Variants in HDAC6 observed in about 807,000 individuals in gnomAD.
The protein encoded by HDAC6 is histone deacetylase 6.
Under a neutral mutation model 88.9 loss-of-function variants are expected in HDAC6, and 5 were observed. The ratio of observed to expected loss-of-function variants is 0.06; its 90% CI spans 0.03 to 0.12. HDAC6 has a LOEUF of 0.12. Among genes scored for constraint, HDAC6 ranks in the 10% least tolerant of loss-of-function variants. The pLI is 1.00. For missense variants in HDAC6, 706 were observed against 1,014.4 expected, an observed-to-expected ratio of 0.70 and a Z score of 4.13; for synonymous variants, 378 against 398.0, an observed-to-expected ratio of 0.95 and a Z score of 0.60.
intron 22 of HDAC6, among the ~76,000 whole-genome samples, chrX:48,818,736 C>T (rs186020965): frequency 2.0e-4 from 22 of 112,305 alleles, no homozygotes; most frequent in Non-Finnish European, 3.0e-4. Flanking sequence ...ATCACAAGTG[C>T]TTGAGTATGT....
At position 48,814,468 on chromosome X, in the gene HDAC6, G is replaced by A. The variant is rs1382688247; in HGVS notation, c.835G>A (p.Glu279Lys). ...SVLYFSIHRY[E>K]QGRFWPHLKA... ...CCTCTATTTCTCCATCCACCGCTAC[G>A]AGCAGGGTAGGTTCTGGCCCCACCT... Residue 279 changes from glutamate (E) to lysine (K), a missense_variant, in exon 11 of 29, where the codon GAG (glutamate) becomes AAG (lysine). By Grantham distance (56) the Glu-to-Lys change is moderately conservative. Around this residue, in one of 9 missense-constraint regions of HDAC6, gnomAD observed 193 missense variants for 258.2 expected, o/e 0.75. Coordinates refer to ENST00000334136, the MANE Select transcript of HDAC6 (RefSeq NM_006044.4). 3.3e-6 allele frequency: 4 copies of A among 1,211,148 alleles called. No homozygotes were observed. The highest frequency in any genetic ancestry group is 4.3e-5 in the Admixed American group (2 of 46,036).
chrX:48,822,881 C>T (rs1557030477), intron 24 of HDAC6, 31 bp from the exon 25 acceptor site: 2 of 1,163,535 alleles, frequency 1.7e-6, no homozygotes, highest in South Asian at 3.9e-5. Flanking sequence ...TGACAGTACC[C>T]ACACTCAAGG....
chrX:48,808,374 C>T (rs781858100), intron 10 of HDAC6, 48 bp downstream of exon 10: 1 of 937,320 alleles, frequency 1.1e-6, no homozygotes, highest in African/African-American at 1.9e-5. Context: ...CCACCTCCCA[C>T]CCTTACAGGC....
Position 48,802,933 on chromosome X carries a change from G to A in HDAC6, c.156G>A (p.Lys52=), listed in dbSNP as rs1377308194. 3.3e-6 allele frequency: 4 copies of A among 1,208,334 alleles called. No homozygotes were observed. Among genetic ancestry groups the A allele is most frequent in the Non-Finnish European group, 4.5e-6 (4 of 894,209 alleles). Residue 52 remains lysine, a synonymous_variant, in exon 3 of 29, where the codon AAG becomes AAA. Transcript: ENST00000334136. ...RSIPNLAEVK[K]KGKMKKLGQA... Reference sequence around the variant, plus strand: ...TCCCCAATCTAGCGGAGGTAAAGAAGAAAGGCAAAATGAAGAAGCTCGGCC... The same window carrying A: ...TCCCCAATCTAGCGGAGGTAAAGAAAAAAGGCAAAATGAAGAAGCTCGGCC...
intron 22 of HDAC6, chrX:48,819,425 C>T (rs2063043882): frequency 8.0e-6 from 1 of 124,513 alleles, no homozygotes; most frequent in Admixed American, 8.1e-5. Flanking sequence ...AACCCTGTAT[C>T]TTGTGTATGT....
intron 10 of HDAC6, chrX:48,813,995 A>C: frequency 8.0e-6 from 1 of 125,289 alleles, no homozygotes; most frequent in Non-Finnish European, 1.6e-5. Context: ...ACAGGGTTTG[A>C]CCTGCTGTTA....
At position 48,816,513 on chromosome X, in the gene HDAC6, G is replaced by A; in HGVS notation, c.1671G>A (p.Arg557=). Residue 557 remains arginine (R), a synonymous_variant, in exon 19 of 29, where the codon CGG becomes CGA. Transcript: ENST00000334136. The stretch of plus-strand genomic sequence containing the variant: ...GGGCCACAGAGAAAATGAAAACCCG[G>A]GAGCTGCACCGTGAGAGTTCCAACT... ...HLRATEKMKT[R]ELHRESSNFD... is the part of the protein sequence containing the mutation. The A allele has an allele frequency of 8.3e-7, 1 of 1,209,396 alleles. No homozygotes were observed. The highest frequency in any genetic ancestry group is 1.1e-6 in the Non-Finnish European group (1 of 894,227).
chrX:48,816,313 G>T, intron 18 of HDAC6, 44 bp downstream of exon 18: 1 of 1,181,872 alleles, frequency 8.5e-7, no homozygotes, highest in East Asian at 3.1e-5. Context: ...CAGGACTGTG[G>T]ATGAGGTCTC....
At chrX:48,807,164 T>G (rs782423251) in intron 8 of HDAC6, among the ~76,000 whole-genome samples, 1 of 112,342 alleles carries the variant, frequency 8.9e-6, no homozygotes, top group East Asian at 2.8e-4. Context: ...TAACCACAAA[T>G]GGTAGTAACA....
At chrX:48,807,444 G>A (rs782073877) in intron 8 of HDAC6, among the ~76,000 whole-genome samples, 1 of 113,164 alleles carries the variant, frequency 8.8e-6, no homozygotes, top group Non-Finnish European at 1.9e-5. Context: ...AACACAGGTT[G>A]TGGGCTAAGT....
Position 48,823,497 on chromosome X carries a change from C to T in HDAC6, c.3098C>T (p.Pro1033Leu). Residue 1033 changes from proline to leucine, a missense_variant, in exon 25 of 29, where the codon CCA becomes CTA. Transcript: ENST00000334136. ...TCGAGCACAGACCACCAGACCCCCC[C>T]AACCTCACCTGTGCAGGGAACTACA... is the stretch of plus-strand genomic sequence containing the variant. Reference protein sequence around the residue: ...LASSTDHQTPPTSPVQGTTPQ... With the variant: ...LASSTDHQTPLTSPVQGTTPQ... 2 of 1,210,790 alleles carry T rather than the reference C, an allele frequency of 1.7e-6. No homozygotes were observed. Among genetic ancestry groups the T allele is most frequent in the Non-Finnish European group, 2.2e-6 (2 of 894,861 alleles).
At chrX:48,817,215 G>T in intron 19 of HDAC6, 111 bp from the exon 20 acceptor site, 1 of 893,641 alleles carries the variant, frequency 1.1e-6, no homozygotes, top group Non-Finnish European at 1.5e-6. Context: ...TGGCGCCACT[G>T]CATTCCAGCC....
At position 48,824,280 on chromosome X, in the gene HDAC6, T is replaced by A. The variant is rs1557031614; in HGVS notation, c.3565T>A (p.Tyr1189Asn). The A allele has an allele frequency of 8.3e-7, 1 of 1,210,085 alleles. No homozygotes were observed. Among genetic ancestry groups the A allele is most frequent in the East Asian group, 3.0e-5 (1 of 33,840 alleles). ...AGCCTGGTGTTACTACTGTCAGGCC[T>A]ATGTCCACCACCAGGTGGGCCCTGG... Reference protein sequence around the residue: ...LSAWCYYCQAYVHHQALLDVK... With the variant: ...LSAWCYYCQANVHHQALLDVK... The change falls in exon 28 of 29, where the codon TAT (tyrosine) becomes AAT (asparagine). Residue 1189 changes from tyrosine (Y) to asparagine (N), a missense_variant. Coordinates refer to ENST00000334136, the MANE Select transcript of HDAC6 (RefSeq NM_006044.4).
chrX:48,803,871 CT>C (rs1303308616), intron 4 of HDAC6, among the ~76,000 whole-genome samples: 1 of 112,216 alleles, frequency 8.9e-6, no homozygotes, highest in East Asian at 2.8e-4. Context: ...TGTTAAAATA[CT>C]TTAAGGAGGC....
At chrX:48,824,491 G>C in intron 28 of HDAC6, 53 bp from the exon 29 acceptor site, 1 of 1,129,017 alleles carries the variant, frequency 8.9e-7, no homozygotes. Flanking sequence ...CTGCAGCCGA[G>C]GTAGAGGGGT....
chrX:48,818,124 CAG>C lies in HDAC6; in HGVS notation c.1994+16_1994+17del, dbSNP rs1305926573. On this transcript the variant is annotated intron_variant, in intron 21 of 28. Transcript: ENST00000334136. The stretch of plus-strand genomic sequence containing the variant: ...GATGACCCCAGGTAAGGGCTGCAGT[CAG>C]GGGCCGCAGTGTGATCAGGGAGGCG... The C allele has an allele frequency of 1.7e-6, 2 of 1,187,788 alleles. No homozygotes were observed. The highest frequency in any genetic ancestry group is 1.1e-6 in the Non-Finnish European group (1 of 881,852).
rs2063006045 is a variant in HDAC6 at position 48,817,311 on chromosome X, C to T, written c.1792-15C>T. The T allele has an allele frequency of 8.4e-7, 1 of 1,188,545 alleles. No individual in the cohort carries two copies. ...AGGGCAGGCTGTCCGATCTTAGCAC[C>T]CTGCTGCTTCCCAGGTTCTGAATGG... On this transcript the variant is annotated splice_polypyrimidine_tract_variant and intron_variant, in intron 19 of 28. Transcript: ENST00000334136.
chrX:48,808,336 G>T lies in HDAC6; in HGVS notation c.806+10G>T, dbSNP rs369151284. The T allele has an allele frequency of 8.5e-7, 1 of 1,176,397 alleles. No individual in the cohort carries two copies. Among genetic ancestry groups the T allele is most frequent in the African/African-American group, 1.8e-5 (1 of 57,093 alleles). On this transcript the variant is annotated intron_variant, in intron 10 of 28. Transcript: ENST00000334136. Reference sequence around the variant, plus strand: ...TCGACCAGGACCCCAGGTATACCCCGACTCCCACCTAGGTGCTAGACTCCC... The same window carrying T: ...TCGACCAGGACCCCAGGTATACCCCTACTCCCACCTAGGTGCTAGACTCCC...
chrX:48,823,460 A>T lies in HDAC6; in HGVS notation c.3061A>T (p.Thr1021Ser). 1 of 1,210,076 alleles carries T rather than the reference A, an allele frequency of 8.3e-7. No homozygotes were observed. Among genetic ancestry groups the T allele is most frequent in the Non-Finnish European group, 1.1e-6 (1 of 894,813 alleles). The change falls in exon 25 of 29, where the codon ACT (threonine) becomes TCT (serine). Residue 1021 changes from threonine (T) to serine (S), a missense_variant. Physicochemically the swap from Thr to Ser is moderately conservative, Grantham distance 58 (BLOSUM62 1). Around this residue, in one of 9 missense-constraint regions of HDAC6, gnomAD observed 112 missense variants for 95.1 expected, o/e 1.18. Transcript: ENST00000334136. ...TCCAGGGGGCACCGAGCTGATCCAA[A>T]CTCCTCTAGCCTCGAGCACAGACCA... Reference protein sequence around the residue: ...EAPGGTELIQTPLASSTDHQT... With the variant: ...EAPGGTELIQSPLASSTDHQT...
Sources: allele counts gnomAD v4.1 joint callset (sites outside exome capture counted in the v4.1 genomes callset), GRCh38; gene constraint gnomAD v4.1.1; regional missense constraint gnomAD v4.1.1; transcripts MANE v1.5; gene names NCBI Gene and HGNC (gene_info 2026-07-23, HGNC 2026-07-21).